The following EYS variants were observed in gnomAD, a reference collection of about 807,000 sequenced individuals.
EYS encodes EGF-like photoreceptor maintenance factor.
In EYS, 250 loss-of-function variants were observed where a neutral mutation model predicts 282.1. The observed-to-expected ratio is 0.89, with a 90% CI of 0.80 to 0.98. The LOEUF is 0.98. EYS is among the 50% of genes least tolerant of loss of function. The pLI is 0.00. For missense variants in EYS, 4,016 were observed against 3,709.0 expected (o/e 1.08, Z -2.15); for synonymous variants, 1,355 against 1,282.9 (o/e 1.06, Z -1.20).
intron 28 of EYS, among the ~76,000 whole-genome samples, chr6:64,403,174 T>C (rs994206853): frequency 5.3e-5 from 8 of 152,082 alleles, no homozygotes; most frequent in Non-Finnish European, 1.2e-4. Flanking sequence ...TGAGATAAAA[T>C]ATAGACTTTA....
chr6:64,266,608 G>T (rs1449139634), intron 30 of EYS, among the ~76,000 whole-genome samples: 1 of 152,072 alleles, frequency 6.6e-6, no homozygotes, highest in African/African-American at 2.4e-5. Flanking sequence ...AGTCAGTTAA[G>T]GACAAAATTT....
rs773496819 is a variant in EYS, at chr6:65,353,520, T to A, written c.1397A>T (p.His466Leu). The change falls in exon 9 of 43, where the codon CAT becomes CTT. Residue 466 changes from histidine to leucine, a missense_variant. His to Leu is a moderately conservative substitution (Grantham distance 99). Transcript: ENST00000503581. ...QHLCYCGVTF[H>L]GICQDKGPAQ... Reference sequence around the variant, plus strand: ...AGGACCTTTATCTTGGCAAATACCATGGAAGGTGACTCCACAGTAGCAGAG... The same window carrying A: ...AGGACCTTTATCTTGGCAAATACCAAGGAAGGTGACTCCACAGTAGCAGAG... 3 of 1,613,254 alleles carry A rather than the reference T, an allele frequency of 1.9e-6. No individual in the cohort carries two copies. Among genetic ancestry groups the A allele is most frequent in the Admixed American group, 3.3e-5 (2 of 59,966 alleles).
intron 31 of EYS, among the ~76,000 whole-genome samples, chr6:64,191,477 T>TGGGGGGGGGGGCCCCC: frequency 7.0e-6 from 1 of 143,488 alleles, no homozygotes. Flanking sequence ...TGCTATCCCT[T>TGGGGGGGGGGGCCCCC]CCCCCCCCAC....
intron 33 of EYS, among the ~76,000 whole-genome samples, chr6:64,052,716 G>A (rs1362677272): frequency 6.6e-6 from 1 of 152,074 alleles, no homozygotes; most frequent in African/African-American, 2.4e-5. Flanking sequence ...GGAGGTAATT[G>A]AATCATGGCG....
chr6:64,750,778 A>T (rs188267577), intron 22 of EYS, among the ~76,000 whole-genome samples: 118 of 152,264 alleles, frequency 7.7e-4, no homozygotes, highest in African/African-American at 2.7e-3. Context: ...GGTATATGGG[A>T]ATTCACTGAA....
Position 64,896,339 on chromosome 6 carries a change from C to T in EYS, c.2846+5774G>A, listed in dbSNP as rs148689232. On this transcript the variant is annotated intron_variant, in intron 18 of 42. Coordinates refer to ENST00000503581, the MANE Select transcript of EYS (RefSeq NM_001142800.2). Reference sequence around the variant, plus strand: ...CCTGGGAAGTGCAAGGGGTCAGGGGCCTCCCTCCCCTAACCAAGGGAAGCC... The same window carrying T: ...CCTGGGAAGTGCAAGGGGTCAGGGGTCTCCCTCCCCTAACCAAGGGAAGCC... Among the ~76,000 whole-genome samples, 102 of 152,126 alleles carry T rather than the reference C, an allele frequency of 6.7e-4. 1 individual carries two copies. In the East Asian group the frequency reaches 0.014, roughly 21 times the overall value.
intron 26 of EYS, among the ~76,000 whole-genome samples, chr6:64,572,517 T>C (rs1371940210): frequency 6.6e-6 from 1 of 152,180 alleles, no homozygotes; most frequent in African/African-American, 2.4e-5. Flanking sequence ...ATTGTATATT[T>C]AGAAAACCCC....
chr6:65,281,488 T>C (rs1166865185), intron 12 of EYS, among the ~76,000 whole-genome samples: 1 of 152,174 alleles, frequency 6.6e-6, no homozygotes, highest in Admixed American at 6.5e-5. Flanking sequence ...TGAGCTTGTG[T>C]GTTATGTTAT....
At chr6:63,789,323 G>T in intron 37 of EYS, 99 bp from the exon 38 acceptor site, 1 of 1,189,842 alleles carries the variant, frequency 8.4e-7, no homozygotes, top group Non-Finnish European at 1.2e-6. Flanking sequence ...AGATCAGTAT[G>T]GTAAGTTATA....
At chr6:64,383,842 G>T (rs114921065) in intron 29 of EYS, among the ~76,000 whole-genome samples, 4,728 of 151,750 alleles carry the variant, frequency 0.031, 231 homozygotes, top group African/African-American at 0.11. Flanking sequence ...TAATTATTTT[G>T]TGTCCATTAG....
intron 35 of EYS, among the ~76,000 whole-genome samples, chr6:63,877,420 A>G (rs534640276): frequency 6.6e-6 from 1 of 152,060 alleles, no homozygotes; most frequent in African/African-American, 2.4e-5. Flanking sequence ...CCTTCATTTC[A>G]ACTTTGGTGA....
At chr6:65,579,773 C>T (rs1764807383) in intron 2 of EYS, among the ~76,000 whole-genome samples, 1 of 152,054 alleles carries the variant, frequency 6.6e-6, no homozygotes, top group Non-Finnish European at 1.5e-5. Context: ...TATAGTCACA[C>T]TAAGGGTAAA....
chr6:64,981,027 A>C (rs1446963879), intron 14 of EYS, among the ~76,000 whole-genome samples: 1 of 151,436 alleles, frequency 6.6e-6, no homozygotes, highest in African/African-American at 2.4e-5. Flanking sequence ...CATAAAATTC[A>C]CTTAGAAAAG....
intron 16 of EYS, 57 bp downstream of exon 16, chr6:64,912,427 A>G: frequency 6.7e-7 from 1 of 1,490,030 alleles, no homozygotes; most frequent in Non-Finnish European, 9.2e-7. Flanking sequence ...GGCACAATAA[A>G]TACACAAACT....
intron 33 of EYS, among the ~76,000 whole-genome samples, chr6:64,000,168 C>CCTTTTTT (rs1768014947): frequency 2.3e-5 from 1 of 42,716 alleles, no homozygotes; most frequent in African/African-American, 8.8e-5. Context: ...AGACATGGGA[C>CCTTTTTT]TTTTTTTTTT....
intron 14 of EYS, among the ~76,000 whole-genome samples, chr6:64,947,276 C>T (rs1293386362): frequency 6.6e-6 from 1 of 151,772 alleles, no homozygotes; most frequent in Non-Finnish European, 1.5e-5. Context: ...ATTTTTTTTA[C>T]AAACATAACA....
chr6:64,463,106 C>G lies in EYS; in HGVS notation c.5645-23754G>C, dbSNP rs544057894. ...GGACTACAGGTGCCCGCCACCACGC[C>G]CGGCTATTTATTTTTTGGATTTTTT... On this transcript the variant is annotated intron_variant, in intron 26 of 42. Coordinates refer to ENST00000503581, the MANE Select transcript of EYS (RefSeq NM_001142800.2). Among the ~76,000 whole-genome samples the G allele has an allele frequency of 5.3e-5, 8 of 151,930 alleles. No individual in the cohort carries two copies. The East Asian group carries it at 1.6e-3, about 30-fold the overall frequency.
intron 35 of EYS, among the ~76,000 whole-genome samples, chr6:63,978,263 G>C (rs1766934814): frequency 6.6e-6 from 1 of 151,926 alleles, no homozygotes; most frequent in Non-Finnish European, 1.5e-5. Context: ...CCGAAAACCT[G>C]GTTAGCTTTC....
At chr6:65,261,252 A>G (rs989690511) in intron 12 of EYS, among the ~76,000 whole-genome samples, 1 of 151,954 alleles carries the variant, frequency 6.6e-6, no homozygotes, top group Non-Finnish European at 1.5e-5. Flanking sequence ...AAGGACATAT[A>G]TAATATGTAT....
Sources: allele counts gnomAD v4.1 joint callset (sites outside exome capture counted in the v4.1 genomes callset), GRCh38; gene constraint gnomAD v4.1.1; transcripts MANE v1.5; gene names NCBI Gene and HGNC (gene_info 2026-07-23, HGNC 2026-07-21).